CCDC141: variants seen among roughly 807,000 people sequenced by gnomAD.
CCDC141 encodes coiled-coil domain containing 141.
A neutral mutation model predicts 181.0 loss-of-function variants in CCDC141; 168 were observed. The observed-to-expected ratio is 0.93, with a 90% CI of 0.82 to 1.05. The LOEUF (loss-of-function observed/expected upper bound fraction) is 1.05. Ranked by LOEUF, CCDC141 falls within the 50% of genes least tolerant of loss-of-function variation. The probability of loss-of-function intolerance (pLI) is 0.00; values close to 1 mark genes in which losing one functional copy is unlikely to be tolerated. For synonymous variants in CCDC141, 666 were observed against 642.3 expected (o/e 1.04, Z -0.56); for missense variants, 1,902 against 1,788.5 (o/e 1.06, Z -1.14).
chr2:178,838,042 G>T (rs1439244584), intron 22 of CCDC141, among the ~76,000 whole-genome samples: 1 of 152,130 alleles, frequency 6.6e-6, no homozygotes, highest in East Asian at 1.9e-4. Context: ...GGTTGGACTA[G>T]ATCAACATCT....
chr2:178,957,393 C>A (rs1470772081), intron 5 of CCDC141, among the ~76,000 whole-genome samples: 1 of 152,150 alleles, frequency 6.6e-6, no homozygotes, highest in Non-Finnish European at 1.5e-5. Context: ...ATTAAAGTGG[C>A]CAAAATCTAG....
chr2:178,985,163 C>T (rs1012555487), intron 2 of CCDC141, among the ~76,000 whole-genome samples: 17 of 151,886 alleles, frequency 1.1e-4, no homozygotes, highest in African/African-American at 4.1e-4. Context: ...TTAAGAATCT[C>T]ACTGAAAACA....
chr2:178,844,914 A>G (rs1245181201), intron 22 of CCDC141, among the ~76,000 whole-genome samples: 2 of 152,226 alleles, frequency 1.3e-5, no homozygotes, highest in African/African-American at 4.8e-5. Context: ...AGCTAATTAT[A>G]GTCCAGCAGC....
chr2:178,905,401 C>T lies in CCDC141; in HGVS notation c.1193G>A (p.Arg398Lys). The T allele has an allele frequency of 6.4e-7, 1 of 1,550,790 alleles. No individual in the cohort carries two copies. The change falls in exon 8 of 24, where the codon AGA becomes AAA. Residue 398 changes from arginine (R) to lysine (K), a missense_variant. Transcript: ENST00000443758. ...VLAVRHEELH[R>K]KIKDCTTDAL... ...ATCAGTTGTGCAGTCTTTAATTTTT[C>T]TGTGTAATTCCTCATGCCTCACTGC...
chr2:178,956,159 T>C (rs941376036), intron 5 of CCDC141, among the ~76,000 whole-genome samples: 1 of 152,232 alleles, frequency 6.6e-6, no homozygotes, highest in African/African-American at 2.4e-5. Flanking sequence ...GCCAACAGTC[T>C]GGCCCCAGGA....
chr2:178,820,170 C>T, the CCDC141 span, among the ~76,000 whole-genome samples: 1 of 152,122 alleles, frequency 6.6e-6, no homozygotes, highest in East Asian at 1.9e-4. Context: ...GCTGCTCTGC[C>T]CTCTGGCTCA....
In CCDC141 at chr2:178,945,150, A is replaced by ATTG. The variant is rs1689677322; in HGVS notation, c.781-500_781-499insCAA. Among the ~76,000 whole-genome samples the ATTG allele has an allele frequency of 6.6e-5, 10 of 152,304 alleles. No individual in the cohort carries two copies. The South Asian group carries it at 2.1e-3, about 32-fold the overall frequency. ...GTATCCAGAAAATAGAGAGGTTATT[A>ATTG]ACATTTACATTGACTTGATTTATAA... On this transcript the variant is annotated intron_variant, in intron 5 of 23. Coordinates refer to ENST00000443758, the MANE Select transcript of CCDC141 (RefSeq NM_173648.4).
intron 4 of CCDC141, among the ~76,000 whole-genome samples, chr2:178,970,392 A>G: frequency 6.6e-6 from 1 of 152,210 alleles, no homozygotes; most frequent in East Asian, 1.9e-4. Context: ...TACGGTAAAC[A>G]AAACAGCGTG....
In CCDC141 at chr2:178,877,976, A is replaced by G; in HGVS notation, c.1887T>C (p.Asn629=). Residue 629 remains asparagine (N), a synonymous_variant, in exon 12 of 24, where the codon AAT becomes AAC. Transcript: ENST00000443758. ...ATGCCATTCTTACCATATTTATTAA[A>G]TTAAGGAACTCAAGCCCTAGATCTT... ...ITQDLGLEFL[N]LINMAKENEI... 6.2e-7 allele frequency: 1 copy of G among 1,613,458 alleles called. No homozygotes were observed. The highest frequency in any genetic ancestry group is 8.5e-7 in the Non-Finnish European group (1 of 1,179,518).
chr2:178,837,735 G>A lies in CCDC141; in HGVS notation c.3484C>T (p.Gln1162Ter), dbSNP rs1575113925. The stretch of plus-strand genomic sequence containing the variant: ...TTGATGCCCAAAAGATCTGCCACCT[G>A]CACCTGCCCCTTGAAAAAAGAAAAG... ...FNEERNKGQV[Q>*]VADLLGINGT... Residue 1162 changes from glutamine to a stop codon, truncating the protein, a stop_gained, in exon 23 of 24, where the codon CAG (glutamine) becomes TAG (stop). Transcript: ENST00000443758. LOFTEE classifies it high-confidence loss of function. The A allele has an allele frequency of 6.3e-7, 1 of 1,590,424 alleles. No individual in the cohort carries two copies. The highest frequency in any genetic ancestry group is 2.2e-5 in the East Asian group (1 of 44,708).
At chr2:179,009,319 C>T (rs906257263) in intron 2 of CCDC141, among the ~76,000 whole-genome samples, 3 of 152,130 alleles carry the variant, frequency 2.0e-5, no homozygotes, top group Non-Finnish European at 4.4e-5. Flanking sequence ...AGTTCTCCCC[C>T]CTGGGGGTTG....
chr2:178,848,256 G>A (rs1195837032), intron 21 of CCDC141, among the ~76,000 whole-genome samples: 8 of 152,200 alleles, frequency 5.3e-5, no homozygotes, highest in Non-Finnish European at 1.2e-4. Context: ...AGATCAGTGG[G>A]ACACAGACCT....
Position 178,868,096 on chromosome 2 carries a change from G to T in CCDC141, c.2504C>A (p.Ala835Asp), listed in dbSNP as rs1011810563. 1.2e-6 allele frequency: 2 copies of T among 1,613,988 alleles called. No homozygotes were observed. The highest frequency in any genetic ancestry group is 4.5e-5 in the East Asian group (2 of 44,858). ...IHLRCSQEKQARVDHLHRLAL... is the reference protein window; with the variant it reads ...IHLRCSQEKQDRVDHLHRLAL... ...CAGTCTGTGGAGATGGTCTACACGGGCTTGCTTTTCCTGAGAGCACCGGAG... is the reference window on the plus strand; with the variant it reads ...CAGTCTGTGGAGATGGTCTACACGGTCTTGCTTTTCCTGAGAGCACCGGAG... Residue 835 changes from alanine to aspartate, a missense_variant, in exon 16 of 24, where the codon GCC becomes GAC. Coordinates refer to ENST00000443758, the MANE Select transcript of CCDC141 (RefSeq NM_173648.4).
chr2:178,903,025 A>G (rs1163943390), intron 8 of CCDC141, among the ~76,000 whole-genome samples: 1 of 150,252 alleles, frequency 6.7e-6, no homozygotes, highest in African/African-American at 2.4e-5. Context: ...ATCACTGGCC[A>G]TCAGAGAAAT....
In CCDC141 at chr2:178,836,997, C is replaced by T; in HGVS notation, c.4222G>A (p.Ala1408Thr). ...KSSVVSLADQ[A>T]PNFSRLLSNV... ...GACAGGAGCCTGGAGAAATTAGGTGCCTGGTCAGCTAGGCTGACCACGCTG... is the reference window on the plus strand; with the variant it reads ...GACAGGAGCCTGGAGAAATTAGGTGTCTGGTCAGCTAGGCTGACCACGCTG... Residue 1408 changes from alanine to threonine, a missense_variant, in exon 23 of 24, where the codon GCA (alanine) becomes ACA (threonine). By Grantham distance (58) the Ala-to-Thr change is moderately conservative. Coordinates refer to ENST00000443758, the MANE Select transcript of CCDC141 (RefSeq NM_173648.4). 6.2e-7 allele frequency: 1 copy of T among 1,613,990 alleles called. No individual in the cohort carries two copies. Among genetic ancestry groups the T allele is most frequent in the Non-Finnish European group, 8.5e-7 (1 of 1,179,948 alleles).
chr2:179,024,296 C>T (rs1036686945), intron 2 of CCDC141, among the ~76,000 whole-genome samples: 1 of 152,154 alleles, frequency 6.6e-6, no homozygotes, highest in Non-Finnish European at 1.5e-5. Flanking sequence ...TAAATCATTG[C>T]TATTTTGTTT....
At position 178,886,345 on chromosome 2, in the gene CCDC141, T is replaced by C. The variant is rs548925109; in HGVS notation, c.1527+407A>G. On this transcript the variant is annotated intron_variant, in intron 10 of 23. Transcript: ENST00000443758. ...GTAAGCAAACAAGGTTGTTTTTATT[T>C]ATATCCTTGGAATCTTGCAATAACG... Among the ~76,000 whole-genome samples the C allele has an allele frequency of 2.0e-5, 3 of 152,312 alleles. No homozygotes were observed. The East Asian group carries it at 5.8e-4, about 29-fold the overall frequency.
intron 2 of CCDC141, among the ~76,000 whole-genome samples, chr2:179,042,895 A>T (rs1372731106): frequency 1.3e-5 from 2 of 152,196 alleles, no homozygotes; most frequent in Admixed American, 6.5e-5. Flanking sequence ...TAGAGACACA[A>T]AAAAACCTTC....
intron 12 of CCDC141, among the ~76,000 whole-genome samples, chr2:178,872,701 A>G (rs554520378): frequency 2.6e-5 from 4 of 152,368 alleles, no homozygotes; most frequent in Non-Finnish European, 5.9e-5. Flanking sequence ...GAATACGTCA[A>G]AATATCAGTA....
Sources: gnomAD v4.1 joint callset for allele counts (sites outside exome capture counted in the v4.1 genomes callset) on GRCh38, gnomAD v4.1.1 for gene constraint, MANE v1.5 for transcripts, NCBI Gene and HGNC (gene_info 2026-07-23, HGNC 2026-07-21) for gene names.